Variants in ROBO1 observed in about 807,000 individuals in gnomAD.
The protein encoded by ROBO1 is roundabout homolog 1.
In ROBO1, 149 loss-of-function variants were observed where a neutral mutation model predicts 195.9. The ratio of observed to expected loss-of-function variants is 0.76; its 90% CI spans 0.67 to 0.87. ROBO1 has a LOEUF of 0.87. ROBO1 is among the 40% of genes least tolerant of loss of function. The pLI, the probability that ROBO1 is intolerant of heterozygous loss-of-function variation, is 0.00. For missense variants in ROBO1, 1,933 were observed against 2,068.3 expected, an observed-to-expected ratio of 0.93 and a Z score of 1.27; for synonymous variants, 816 against 733.2, an observed-to-expected ratio of 1.11 and a Z score of -1.82.
chr3:78,885,412 T>TAAAA lies in ROBO1; in HGVS notation c.499+53185_499+53188dup, dbSNP rs59912706. ...GCACTTGTAACCCTGAATTTAAAAC[T>TAAAA]AAAAAAAAAAAAAAAAAAAAAAAAA... On this transcript the variant is annotated intron_variant, in intron 4 of 30. Transcript: ENST00000464233. Among the ~76,000 whole-genome samples the TAAAA allele has an allele frequency of 1.2e-3, 67 of 53,706 alleles. 2 individuals are homozygous for TAAAA. Among genetic ancestry groups the TAAAA allele is most frequent in the African/African-American group, 2.3e-3 (31 of 13,472 alleles). 35.2% of individuals were successfully genotyped at this position (53,706 alleles called of 152,430 possible).
intron 4 of ROBO1, among the ~76,000 whole-genome samples, chr3:78,913,587 T>C (rs943480935): frequency 6.6e-6 from 1 of 152,114 alleles, no homozygotes; most frequent in Non-Finnish European, 1.5e-5. Context: ...TAAATAGTAA[T>C]AAATTCCAGT....
intron 10 of ROBO1, among the ~76,000 whole-genome samples, chr3:78,673,822 T>C (rs567309040): frequency 6.6e-6 from 1 of 151,536 alleles, no homozygotes; most frequent in South Asian, 2.1e-4. Flanking sequence ...CATTGATTAG[T>C]TCACGTACAA....
chr3:79,320,507 T>A (rs2033933501), intron 2 of ROBO1, among the ~76,000 whole-genome samples: 1 of 152,048 alleles, frequency 6.6e-6, no homozygotes, highest in African/African-American at 2.4e-5. Context: ...TTTGTAGTTT[T>A]TTTGCAGAGA....
At chr3:79,605,182 C>T (rs1325444276) in intron 1 of ROBO1, among the ~76,000 whole-genome samples, 1 of 151,682 alleles carries the variant, frequency 6.6e-6, no homozygotes, top group Non-Finnish European at 1.5e-5. Flanking sequence ...AAACTGTTTT[C>T]TCATATACTC....
intron 2 of ROBO1, among the ~76,000 whole-genome samples, chr3:79,299,389 A>T (rs530737800): frequency 6.6e-6 from 1 of 152,330 alleles, no homozygotes; most frequent in South Asian, 2.1e-4. Context: ...CTTATTGGGA[A>T]CTATGAAGAT....
intron 2 of ROBO1, among the ~76,000 whole-genome samples, chr3:79,442,187 T>A (rs529110073): frequency 1.3e-5 from 2 of 152,282 alleles, no homozygotes; most frequent in East Asian, 3.9e-4. Context: ...AAATCCTTAT[T>A]CATGTACAAC....
intron 2 of ROBO1, among the ~76,000 whole-genome samples, chr3:79,324,636 G>GGAAAGAGAGGGAAAGA (rs1559818397): frequency 6.6e-6 from 1 of 152,100 alleles, no homozygotes. Context: ...CTTGAGGCCT[G>GGAAAGAGAGGGAAAGA]GAAAGAGAGG....
At chr3:78,628,933 C>T (rs964537905) in intron 25 of ROBO1, among the ~76,000 whole-genome samples, 29 of 151,810 alleles carry the variant, frequency 1.9e-4, no homozygotes, top group Non-Finnish European at 3.5e-4. Context: ...CCAGTCACTC[C>T]ATTGCTTCCA....
Position 79,144,326 on chromosome 3 carries a change from A to G in ROBO1, c.89-18787T>C, listed in dbSNP as rs186494075. ...TAAAAGCCACACATATATTCACATG[A>G]AAGAAATGTCTCTGCAGCATTAGGA... On this transcript the variant is annotated intron_variant, in intron 2 of 30. Transcript: ENST00000464233. Among the ~76,000 whole-genome samples the G allele has an allele frequency of 8.1e-3, 1,227 of 152,176 alleles. 23 individuals are homozygous for G. The highest frequency in any genetic ancestry group is 0.028 in the African/African-American group (1,164 of 41,546).
At chr3:78,707,829 C>T (rs1315523399) in intron 8 of ROBO1, among the ~76,000 whole-genome samples, 3 of 152,158 alleles carry the variant, frequency 2.0e-5, no homozygotes, top group Non-Finnish European at 4.4e-5. Context: ...TGGCCCTGCA[C>T]TCAGCCCTCA....
At chr3:78,990,565 CT>C (rs1388346463) in intron 3 of ROBO1, among the ~76,000 whole-genome samples, 1 of 152,084 alleles carries the variant, frequency 6.6e-6, no homozygotes, top group East Asian at 1.9e-4. Context: ...AAGTATTGTA[CT>C]TGGCACAGGA....
intron 1 of ROBO1, among the ~76,000 whole-genome samples, chr3:79,641,717 A>C (rs912053873): frequency 6.6e-6 from 1 of 152,170 alleles, no homozygotes; most frequent in East Asian, 1.9e-4. Flanking sequence ...ATATCAGAAA[A>C]ATACAAAGAA....
chr3:79,434,424 C>A (rs1185273049), intron 2 of ROBO1, among the ~76,000 whole-genome samples: 1 of 152,154 alleles, frequency 6.6e-6, no homozygotes, highest in Non-Finnish European at 1.5e-5. Flanking sequence ...ACAGACACTT[C>A]TCAAAAGAAG....
rs1402434703 is a variant in ROBO1 at position 78,938,597 on chromosome 3, T to C, written c.499+4A>G. On this transcript the variant is annotated splice_donor_region_variant and intron_variant, in intron 4 of 30. Transcript: ENST00000464233. ...GCCAAACACAGAGCGCCCAGTTTAC[T>C]TACTGGCTACTTCCAGCGATGCATT... is the stretch of plus-strand genomic sequence containing the variant. The C allele has an allele frequency of 1.9e-6, 3 of 1,601,992 alleles. No individual in the cohort carries two copies. Among genetic ancestry groups the C allele is most frequent in the Non-Finnish European group, 2.6e-6 (3 of 1,171,416 alleles).
At chr3:78,679,788 A>G (rs937695820) in intron 10 of ROBO1, among the ~76,000 whole-genome samples, 6 of 152,194 alleles carry the variant, frequency 3.9e-5, no homozygotes, top group Admixed American at 2.6e-4. Context: ...TGCCATCCCC[A>G]TCAAGCTACC....
rs536803801 is a variant in ROBO1 at position 79,384,172 on chromosome 3, T to C, written c.88+205652A>G. ...CAACATTCCAGAATTAAAGAAAATA[T>C]CTTATACTTTTATTATTTTGCTTTT... On this transcript the variant is annotated intron_variant, in intron 2 of 30. Transcript: ENST00000464233. Among the ~76,000 whole-genome samples the C allele has an allele frequency of 4.6e-5, 7 of 152,148 alleles. No homozygotes were observed. The East Asian group carries it at 1.4e-3, about 29-fold the overall frequency.
intron 2 of ROBO1, among the ~76,000 whole-genome samples, chr3:79,441,929 T>C (rs2039067894): frequency 2.0e-5 from 3 of 152,112 alleles, no homozygotes; most frequent in South Asian, 4.1e-4. Context: ...ATTAATCTGC[T>C]ATAGATATAG....
At chr3:79,393,422 G>T (rs2037028450) in intron 2 of ROBO1, among the ~76,000 whole-genome samples, 2 of 152,160 alleles carry the variant, frequency 1.3e-5, no homozygotes, top group South Asian at 4.1e-4. Context: ...GTACTTAAAA[G>T]AATAGACTAT....
At chr3:78,646,262 A>G in intron 20 of ROBO1, 72 bp from the exon 21 acceptor site, 1 of 1,372,148 alleles carries the variant, frequency 7.3e-7, no homozygotes, top group Non-Finnish European at 1.0e-6. Context: ...TACATTCATG[A>G]GCTTCTTTCT....
Sources: allele counts gnomAD v4.1 joint callset (sites outside exome capture counted in the v4.1 genomes callset), GRCh38; gene constraint gnomAD v4.1.1; transcripts MANE v1.5; gene names NCBI Gene and HGNC (gene_info 2026-07-23, HGNC 2026-07-21).